The following BRWD3 variants were observed in gnomAD, a reference collection of about 807,000 sequenced individuals.
The protein encoded by BRWD3 is bromodomain and WD repeat-containing protein 3.
Under a neutral mutation model 149.7 loss-of-function variants are expected in BRWD3, and 10 were observed. The ratio of observed to expected loss-of-function variants is 0.07; its 90% CI spans 0.04 to 0.11. The LOEUF is 0.11. Ranked by LOEUF, BRWD3 falls within the 10% of genes least tolerant of loss-of-function variation. The pLI, the probability that BRWD3 is intolerant of heterozygous loss-of-function variation, is 1.00. For synonymous variants in BRWD3, 504 were observed against 456.7 expected (o/e 1.10, Z -1.32); for missense variants, 940 against 1,373.2 (o/e 0.68, Z 4.99).
At chrX:80,701,144 T>C (rs1484814383) in intron 24 of BRWD3, among the ~76,000 whole-genome samples, 1 of 111,583 alleles carries the variant, frequency 9.0e-6, no homozygotes, top group East Asian at 2.8e-4. Flanking sequence ...AGAACTGGCA[T>C]ATTATGGAAG....
intron 6 of BRWD3, among the ~76,000 whole-genome samples, chrX:80,748,326 C>G (rs939866255): frequency 8.9e-6 from 1 of 112,384 alleles, no homozygotes; most frequent in Non-Finnish European, 1.9e-5. Context: ...TGCATCTATT[C>G]TCAAAAGGGA....
At chrX:80,797,684 ACTAT>A (rs2074252082) in intron 4 of BRWD3, among the ~76,000 whole-genome samples, 2 of 112,135 alleles carry the variant, frequency 1.8e-5, no homozygotes, top group South Asian at 3.7e-4. Context: ...CTTACTCCTA[ACTAT>A]CCCTTTAAAG....
At chrX:80,716,916 GAAGAA>G in intron 19 of BRWD3, 1 of 110,894 alleles carries the variant, frequency 9.0e-6, no homozygotes. Context: ...GCAGAAAGCA[GAAGAA>G]AAGGAGAAAC....
rs1279465372 is a variant in BRWD3, at chrX:80,787,911, T to C, written c.430+3943A>G. Among the ~76,000 whole-genome samples the C allele has an allele frequency of 4.6e-5, 5 of 108,052 alleles. No homozygotes were observed. In the East Asian group the frequency reaches 8.8e-4, roughly 19 times the overall value. The allele number at this position is 108,052 out of a possible 115,157, so 93.8% of individuals were successfully genotyped here. A position where few individuals can be genotyped will look rare whatever the true frequency, so the allele number is the denominator to read the frequency against. On this transcript the variant is annotated intron_variant, in intron 6 of 40. Coordinates refer to ENST00000373275, the MANE Select transcript of BRWD3 (RefSeq NM_153252.5). ...CATCCTGACTAACACGGTGAAACCC[T>C]GTCTCTACTAAAAATACAAAAAATT...
intron 8 of BRWD3, 85 bp downstream of exon 8, chrX:80,743,947 C>A: frequency 1.3e-6 from 1 of 799,101 alleles, no homozygotes; most frequent in Middle Eastern, 3.1e-4. Context: ...ATTCTTTGGG[C>A]TATTATCTAT....
intron 33 of BRWD3, 96 bp from the exon 34 acceptor site, chrX:80,688,221 C>T: frequency 1.4e-6 from 1 of 736,177 alleles, no homozygotes; most frequent in Admixed American, 2.3e-5. Flanking sequence ...AATAAAATCA[C>T]AGTTAACTTT....
At chrX:80,773,176 C>G (rs909396927) in intron 6 of BRWD3, among the ~76,000 whole-genome samples, 1 of 111,493 alleles carries the variant, frequency 9.0e-6, no homozygotes, top group African/African-American at 3.3e-5. Flanking sequence ...AGTGGATACG[C>G]AAGTACTAAA....
chrX:80,767,420 T>G (rs945102549), intron 6 of BRWD3, among the ~76,000 whole-genome samples: 3 of 111,444 alleles, frequency 2.7e-5, no homozygotes, highest in East Asian at 2.8e-4. Context: ...AAACAGGGTC[T>G]GGAGTGGACC....
Position 80,684,089 on chromosome X carries a change from C to T in BRWD3, c.4154G>A (p.Gly1385Asp). The T allele has an allele frequency of 8.3e-7, 1 of 1,205,150 alleles. No homozygotes were observed. The highest frequency in any genetic ancestry group is 1.1e-6 in the Non-Finnish European group (1 of 889,977). The change falls in exon 37 of 41, where the codon GGT (glycine) becomes GAT (aspartate). Residue 1385 changes from glycine (G) to aspartate (D), a missense_variant. Physicochemically the swap from Gly to Asp is moderately conservative, Grantham distance 94. This residue lies in a region of BRWD3 where 349 missense variants were observed against 419.6 expected (regional missense o/e 0.83). Coordinates refer to ENST00000373275, the MANE Select transcript of BRWD3 (RefSeq NM_153252.5). ...VKETLEAGNY[G>D]SPLEFYKDVR... is the part of the protein sequence containing the mutation. Reference sequence around the variant, plus strand: ...ATCCTTATAAAATTCCAGAGGACTACCATAGTTTCCTGCTTCCAAAGTTTC... The same window carrying T: ...ATCCTTATAAAATTCCAGAGGACTATCATAGTTTCCTGCTTCCAAAGTTTC...
rs2073364559 is a variant in BRWD3, at chrX:80,733,593, T to A, written c.1087-97A>T. On this transcript the variant is annotated intron_variant, in intron 11 of 40. Coordinates refer to ENST00000373275, the MANE Select transcript of BRWD3 (RefSeq NM_153252.5). Reference sequence around the variant, plus strand: ...ATTCATAGGCAAAAACATCATGAAGTAGTTTTTTTTTTTTTTAATTTCAAT... The same window carrying A: ...ATTCATAGGCAAAAACATCATGAAGAAGTTTTTTTTTTTTTTAATTTCAAT... The A allele has an allele frequency of 1.1e-5, 7 of 649,339 alleles. No individual in the cohort carries two copies. In the East Asian group the frequency reaches 2.4e-4, roughly 23 times the overall value. The allele number at this position is 649,339 out of a possible 1,213,427, so 53.5% of individuals were successfully genotyped here.
At chrX:80,796,928 C>T (rs1169757880) in intron 4 of BRWD3, among the ~76,000 whole-genome samples, 1 of 111,420 alleles carries the variant, frequency 9.0e-6, no homozygotes, top group Admixed American at 9.6e-5. Context: ...AATCCCAGTA[C>T]TTTGGGAGGC....
chrX:80,761,095 G>A (rs1423983261), intron 6 of BRWD3, among the ~76,000 whole-genome samples: 1 of 110,661 alleles, frequency 9.0e-6, no homozygotes, highest in Non-Finnish European at 1.9e-5. Context: ...ATTAACTGGT[G>A]ATAAACCAAA....
chrX:80,809,037 T>C lies in BRWD3; in HGVS notation c.96A>G (p.Leu32=), dbSNP rs1034284582. The part of the protein sequence containing the change: ...SGPCNKSAQV[L]VQELEEHQLI... Reference sequence around the variant, plus strand: ...CCTGATGCTCCTCGAGCTCCTGCACTAGCACCTGAGCAAAAGGGAAACACA... The same window carrying C: ...CCTGATGCTCCTCGAGCTCCTGCACCAGCACCTGAGCAAAAGGGAAACACA... The change falls in exon 3 of 41, where the codon CTA becomes CTG. Residue 32 remains leucine, a synonymous_variant. Coordinates refer to ENST00000373275, the MANE Select transcript of BRWD3 (RefSeq NM_153252.5). The C allele has an allele frequency of 3.7e-5, 44 of 1,190,394 alleles. No homozygotes were observed. The highest frequency in any genetic ancestry group is 4.5e-5 in the Non-Finnish European group (40 of 885,145).
At chrX:80,726,129 G>A (rs767505482) in intron 14 of BRWD3, among the ~76,000 whole-genome samples, 2 of 107,303 alleles carry the variant, frequency 1.9e-5, no homozygotes, top group Non-Finnish European at 3.9e-5. Flanking sequence ...CATATAACAC[G>A]TTTACATATG....
intron 6 of BRWD3, among the ~76,000 whole-genome samples, chrX:80,749,276 G>A (rs960405513): frequency 1.8e-5 from 2 of 111,170 alleles, no homozygotes; most frequent in Non-Finnish European, 3.8e-5. Flanking sequence ...AGGTATTGAT[G>A]TCTCCTATTA....
intron 6 of BRWD3, among the ~76,000 whole-genome samples, chrX:80,776,042 A>G (rs1436535376): frequency 2.7e-5 from 3 of 112,191 alleles, no homozygotes; most frequent in Non-Finnish European, 5.6e-5. Flanking sequence ...TTCTAGTTTA[A>G]TAGTCTTCCC....
At chrX:80,696,661 T>C (rs1281517731) in intron 26 of BRWD3, 78 bp downstream of exon 26, 5 of 1,091,477 alleles carry the variant, frequency 4.6e-6, no homozygotes, top group Admixed American at 2.2e-5. Context: ...TTCTCTCCCA[T>C]TGAGCACTGT....
rs1246787199 is a variant in BRWD3 at position 80,675,525 on chromosome X, T to A, written c.*1084A>T. ...AGCATACTATATTTATGAAACTTTG[T>A]TAATTACAATTATTAATTTGAGAGC... On this transcript the variant is annotated 3_prime_UTR_variant, in exon 41 of 41. Transcript: ENST00000373275. 1 of 112,134 alleles carries A rather than the reference T, an allele frequency of 8.9e-6. No individual in the cohort carries two copies. The highest frequency in any genetic ancestry group is 1.9e-5 in the Non-Finnish European group (1 of 53,133). 9.2% of individuals were successfully genotyped at this position (112,134 alleles called of 1,213,427 possible).
At chrX:80,791,997 T>C in intron 5 of BRWD3, 45 bp from the exon 6 acceptor site, 16 of 837,466 alleles carry the variant, frequency 1.9e-5, no homozygotes, top group Non-Finnish European at 2.8e-5. Flanking sequence ...AGCAGTTTTT[T>C]TTTTAACCAT....
Sources: gnomAD v4.1 joint callset for allele counts (sites outside exome capture counted in the v4.1 genomes callset) on GRCh38, gnomAD v4.1.1 for gene constraint, gnomAD v4.1.1 regional missense constraint, MANE v1.5 for transcripts, NCBI Gene and HGNC (gene_info 2026-07-23, HGNC 2026-07-21) for gene names.